The following MUC5B variants were observed in gnomAD, a reference collection of about 807,000 sequenced individuals.
MUC5B encodes the protein mucin 5B, oligomeric mucus/gel-forming.
In MUC5B, 116 loss-of-function variants were observed where a neutral mutation model predicts 376.9. That is an observed-to-expected ratio of 0.31 (90% CI 0.26 to 0.36). MUC5B has a LOEUF of 0.36. MUC5B is among the 10% of genes least tolerant of loss of function. The probability of loss-of-function intolerance (pLI) is 1.00; values close to 1 mark genes in which losing one functional copy is unlikely to be tolerated. For missense variants in MUC5B, 7,165 were observed against 7,769.9 expected, an observed-to-expected ratio of 0.92 and a Z score of 2.93; for synonymous variants, 3,517 against 3,390.9, an observed-to-expected ratio of 1.04 and a Z score of -1.29.
chr11:1,255,515 G>A lies in MUC5B; in HGVS notation c.16023G>A (p.Arg5341=). The A allele has an allele frequency of 6.5e-7, 1 of 1,550,090 alleles. No individual in the cohort carries two copies. Among genetic ancestry groups the A allele is most frequent in the Non-Finnish European group, 8.7e-7 (1 of 1,146,470 alleles). The change falls in exon 37 of 49, where the codon CGG becomes CGA. Residue 5341 remains arginine, a synonymous_variant. Transcript: ENST00000529681. The part of the protein sequence containing the change: ...LEAYAELCRA[R]GVCSDWRGAT... ...CTTACGCAGAGCTCTGCCGCGCCCGGGGAGTGTGCAGTGACTGGCGAGGTG... is the reference window on the plus strand; with the variant it reads ...CTTACGCAGAGCTCTGCCGCGCCCGAGGAGTGTGCAGTGACTGGCGAGGTG...
chr11:1,235,813 G>A (rs1222745987), intron 23 of MUC5B, among the ~76,000 whole-genome samples: 5 of 145,546 alleles, frequency 3.4e-5, no homozygotes, highest in South Asian at 2.2e-4. Context: ...CCGCCCCCAC[G>A]TAGTCCAGGA....
At chr11:1,227,818 C>T (rs370808078) in intron 7 of MUC5B, 37 bp downstream of exon 7, 31 of 688,874 alleles carry the variant, frequency 4.5e-5, no homozygotes, top group Admixed American at 4.1e-4. Context: ...TGGGCAGGGA[C>T]GGCCTCCAGG....
chr11:1,251,730 G>A lies in MUC5B; in HGVS notation c.14850G>A (p.Gln4950=). Residue 4950 remains glutamine, a synonymous_variant, in exon 31 of 49, where the codon CAG becomes CAA. Coordinates refer to ENST00000529681, the MANE Select transcript of MUC5B (RefSeq NM_002458.3). ...STPCFCRAFG[Q]FFSPGEVIYN... The stretch of plus-strand genomic sequence containing the variant: ...CCTGCTTCTGCAGGGCATTTGGACA[G>A]TTTTTCTCGCCCGGTGAGTGCATGT... 6.2e-7 allele frequency: 1 copy of A among 1,600,068 alleles called. No individual in the cohort carries two copies. Among genetic ancestry groups the A allele is most frequent in the South Asian group, 1.1e-5 (1 of 89,950 alleles).
In MUC5B at chr11:1,250,745, C is replaced by G; in HGVS notation, c.13865C>G (p.Thr4622Ser). ...ALTPPVWIST[T>S]TTPTTTTPTT... Reference sequence around the variant, plus strand: ...ACGCCTCCAGTGTGGATCAGCACAACCACCACACCCACAACCACCACACCC... The same window carrying G: ...ACGCCTCCAGTGTGGATCAGCACAAGCACCACACCCACAACCACCACACCC... Residue 4622 changes from threonine to serine, a missense_variant, in exon 31 of 49, where the codon ACC (threonine) becomes AGC (serine). By Grantham distance (58) the Thr-to-Ser change is moderately conservative (BLOSUM62 1). Around this residue, in one of 31 missense-constraint regions of MUC5B, gnomAD observed 730 missense variants for 592.7 expected, o/e 1.23. Transcript: ENST00000529681. 6.2e-7 allele frequency: 1 copy of G among 1,600,816 alleles called. No individual in the cohort carries two copies. The highest frequency in any genetic ancestry group is 8.5e-7 in the Non-Finnish European group (1 of 1,170,954).
In MUC5B at chr11:1,249,611, C is replaced by G. The variant is rs201601595; in HGVS notation, c.12731C>G (p.Pro4244Arg). ...TSSTAMPSSTPGTTWILTELT... is the reference protein window; with the variant it reads ...TSSTAMPSSTRGTTWILTELT... ...TCTACGGCCATGCCCTCCTCCACTC[C>G]GGGGACGACCTGGATCCTCACAGAG... The change falls in exon 31 of 49, where the codon CCG becomes CGG. Residue 4244 changes from proline to arginine, a missense_variant. Pro to Arg is a moderately radical substitution (Grantham distance 103, BLOSUM62 -2). This residue lies in a region of MUC5B where 431 missense variants were observed against 390.4 expected (regional missense o/e 1.10). Transcript: ENST00000529681. 1 of 1,611,862 alleles carries G rather than the reference C, an allele frequency of 6.2e-7. No individual in the cohort carries two copies. Among genetic ancestry groups the G allele is most frequent in the Non-Finnish European group, 8.5e-7 (1 of 1,178,764 alleles).
At chr11:1,223,221 C>G (rs766549650) in intron 1 of MUC5B, 28 bp downstream of exon 1, 1 of 708,842 alleles carries the variant, frequency 1.4e-6, no homozygotes, top group Non-Finnish European at 2.6e-6. Flanking sequence ...CGCCCCCTCT[C>G]GATGCTGTCT....
chr11:1,247,247 G>A lies in MUC5B; in HGVS notation c.10367G>A (p.Gly3456Glu). The change falls in exon 31 of 49, where the codon GGG (glycine) becomes GAG (glutamate). Residue 3456 changes from glycine to glutamate, a missense_variant. Around this residue, in one of 31 missense-constraint regions of MUC5B, gnomAD observed 939 missense variants for 770.6 expected, o/e 1.22. Coordinates refer to ENST00000529681, the MANE Select transcript of MUC5B (RefSeq NM_002458.3). ...PVPNTTATTH[G>E]RSLPPSSPHT... ...CCGAACACCACGGCCACCACACACG[G>A]GCGGTCCCTGCCCCCCAGCAGTCCC... is the stretch of plus-strand genomic sequence containing the variant. The A allele has an allele frequency of 1.9e-6, 3 of 1,612,192 alleles. No homozygotes were observed. Among genetic ancestry groups the A allele is most frequent in the Non-Finnish European group, 2.5e-6 (3 of 1,179,522 alleles).
intron 31 of MUC5B, among the ~76,000 whole-genome samples, chr11:1,251,956 A>G (rs1862713312): frequency 6.7e-6 from 1 of 150,370 alleles, no homozygotes; most frequent in Non-Finnish European, 1.5e-5. Flanking sequence ...ATCAGTCCCC[A>G]CTGGCCACAC....
rs752865907 is a variant in MUC5B, at chr11:1,260,740, C to T, written c.17069+12C>T. On this transcript the variant is annotated intron_variant, in intron 48 of 48. Coordinates refer to ENST00000529681, the MANE Select transcript of MUC5B (RefSeq NM_002458.3). ...CCCGGAGCGTCCAAGTGAGTGGGCT[C>T]CTGGCCCTGTGCCAAGAGCACCTGC... The T allele has an allele frequency of 4.4e-6, 7 of 1,593,648 alleles. No individual in the cohort carries two copies. In the African/African-American group the frequency reaches 9.4e-5, roughly 21 times the overall value.
rs1179129888 is a variant in MUC5B at position 1,234,508 on chromosome 11, G to A, written c.2479-21G>A. ...CCACCCTGGTGTCCAGCCCTGACCG[G>A]TACCTGCCTGGGCCCCACAGTTCAG... On this transcript the variant is annotated intron_variant, in intron 20 of 48. Transcript: ENST00000529681. This position sits in a 1 kb window ranked among gnomAD's most constrained non-coding sequence, Gnocchi z 6.3. The A allele has an allele frequency of 6.4e-7, 1 of 1,569,200 alleles. No individual in the cohort carries two copies. The highest frequency in any genetic ancestry group is 1.9e-5 in the Admixed American group (1 of 53,864).
chr11:1,223,375 G>T (rs765540396), intron 1 of MUC5B, 182 bp downstream of exon 1: 17 of 687,284 alleles, frequency 2.5e-5, no homozygotes, highest in Non-Finnish European at 4.5e-5. Context: ...CGGGCTCACA[G>T]TGTCAGGAAA....
At position 1,255,200 on chromosome 11, in the gene MUC5B, C is replaced by G. The variant is rs778672207; in HGVS notation, c.15824C>G (p.Pro5275Arg). The G allele has an allele frequency of 6.5e-7, 1 of 1,548,378 alleles. No individual in the cohort carries two copies. The highest frequency in any genetic ancestry group is 8.7e-7 in the Non-Finnish European group (1 of 1,145,312). ...GTPPTASPAA[P>R]VSSTPTPTPC... ...CCCCCCACTGCCAGCCCCGCAGCCC[C>G]GGTGTCTAGCACACCCACCCCCACC... is the stretch of plus-strand genomic sequence containing the variant. Residue 5275 changes from proline (P) to arginine (R), a missense_variant, in exon 36 of 49, where the codon CCG becomes CGG. Pro to Arg is a moderately radical substitution (Grantham distance 103). Coordinates refer to ENST00000529681, the MANE Select transcript of MUC5B (RefSeq NM_002458.3).
chr11:1,246,151 A>G lies in MUC5B; in HGVS notation c.9271A>G (p.Met3091Val), dbSNP rs1039703682. Residue 3091 changes from methionine (M) to valine (V), a missense_variant, in exon 31 of 49, where the codon ATG becomes GTG. Coordinates refer to ENST00000529681, the MANE Select transcript of MUC5B (RefSeq NM_002458.3). ...PEQTTTPMAT[M>V]STIHPSSTPE... ...ACAGACCACCACACCCATGGCCACC[A>G]TGTCCACAATCCACCCCTCCTCCAC... is the stretch of plus-strand genomic sequence containing the variant. 1.9e-6 allele frequency: 3 copies of G among 1,611,130 alleles called. No individual in the cohort carries two copies. In the African/African-American group the frequency reaches 4.1e-5, roughly 22 times the overall value.
Position 1,247,464 on chromosome 11 carries a change from C to A in MUC5B, c.10584C>A (p.Thr3528=), listed in dbSNP as rs763707905. Residue 3528 remains threonine (T), a synonymous_variant, in exon 31 of 49, where the codon ACC becomes ACA. Coordinates refer to ENST00000529681, the MANE Select transcript of MUC5B (RefSeq NM_002458.3). ...AGTCACCCCCTTCTCCAGGGACGACCACCCCGGGCCACACCAGGGGCACCT... is the reference window on the plus strand; with the variant it reads ...AGTCACCCCCTTCTCCAGGGACGACAACCCCGGGCCACACCAGGGGCACCT... ...TTESPPSPGT[T]TPGHTRGTSR... is the part of the protein sequence containing the mutation. The A allele has an allele frequency of 6.2e-7, 1 of 1,609,056 alleles. No individual in the cohort carries two copies. Among genetic ancestry groups the A allele is most frequent in the Non-Finnish European group, 8.5e-7 (1 of 1,178,434 alleles).
chr11:1,254,009 A>G, intron 33 of MUC5B, 83 bp from the exon 34 acceptor site: 2 of 1,523,814 alleles, frequency 1.3e-6, no homozygotes, highest in Non-Finnish European at 1.8e-6. Flanking sequence ...CGGCAGTCAC[A>G]GTGGTGACGC....
chr11:1,256,842 G>A (rs998171994), intron 39 of MUC5B, 71 bp downstream of exon 39: 57 of 1,239,440 alleles, frequency 4.6e-5, no homozygotes, highest in Admixed American at 1.1e-4. Flanking sequence ...GGGAGGAGCC[G>A]CCCAGGACCA....
rs540595529 is a variant in MUC5B at position 1,243,489 on chromosome 11, C to T, written c.6609C>T (p.Pro2203=). 5 of 1,588,822 alleles carry T rather than the reference C, an allele frequency of 3.1e-6. No individual in the cohort carries two copies. Among genetic ancestry groups the T allele is most frequent in the African/African-American group, 1.4e-5 (1 of 71,636 alleles). ...TMATTHGRSL[P]PSSPHTVRTA... ...CCACCACACACGGGCGATCCCTGCC[C>T]CCCAGCAGTCCCCACACGGTGCGCA... The change falls in exon 31 of 49, where the codon CCC becomes CCT. Residue 2203 remains proline, a synonymous_variant. Coordinates refer to ENST00000529681, the MANE Select transcript of MUC5B (RefSeq NM_002458.3).
Position 1,227,469 on chromosome 11 carries a change from G to A in MUC5B, c.667+71G>A, listed in dbSNP as rs1448509309. On this transcript the variant is annotated intron_variant, in intron 6 of 48. Transcript: ENST00000529681. Reference sequence around the variant, plus strand: ...AACGAAGAGCCACAGTCCCGGGGAGGCCGGGAGGGGGCGGAGTGGGGACCG... The same window carrying A: ...AACGAAGAGCCACAGTCCCGGGGAGACCGGGAGGGGGCGGAGTGGGGACCG... 2.4e-6 allele frequency: 3 copies of A among 1,261,902 alleles called. No homozygotes were observed. The African/African-American group carries it at 4.4e-5, about 19-fold the overall frequency. 78.2% of individuals were successfully genotyped at this position (1,261,902 alleles called of 1,614,324 possible).
At chr11:1,252,080 G>T (rs1475767819) in intron 31 of MUC5B, among the ~76,000 whole-genome samples, 1 of 150,826 alleles carries the variant, frequency 6.6e-6, no homozygotes, top group Non-Finnish European at 1.5e-5. Flanking sequence ...GTCCGCACTG[G>T]CCACAATCAG....
Sources: gnomAD v4.1 joint callset for allele counts (sites outside exome capture counted in the v4.1 genomes callset) on GRCh38, gnomAD v4.1.1 for gene constraint, gnomAD v4.1.1 regional missense constraint, Gnocchi (gnomAD v3.1) non-coding constraint, MANE v1.5 for transcripts, NCBI Gene and HGNC (gene_info 2026-07-23, HGNC 2026-07-21) for gene names.